The following CACNA1A variants were observed in gnomAD, a reference collection of about 807,000 sequenced individuals.
CACNA1A encodes the protein calcium voltage-gated channel subunit alpha1 A, also known as voltage-dependent P/Q-type calcium channel subunit alpha-1A.
In CACNA1A, 57 loss-of-function variants were observed where a neutral mutation model predicts 262.4. The ratio of observed to expected loss-of-function variants is 0.22; its 90% CI spans 0.18 to 0.27. The LOEUF (loss-of-function observed/expected upper bound fraction) is 0.27, where lower values mean the gene tolerates loss of function less well. CACNA1A is among the 10% of genes least tolerant of loss of function. CACNA1A has a pLI of 1.00. For synonymous variants in CACNA1A, 1,431 were observed against 1,419.3 expected, an observed-to-expected ratio of 1.01 and a Z score of -0.18; for missense variants, 2,526 against 3,562.8, an observed-to-expected ratio of 0.71 and a Z score of 7.41.
intron 1 of CACNA1A, among the ~76,000 whole-genome samples, chr19:13,474,412 G>GA (rs1978315324): frequency 6.6e-6 from 1 of 152,196 alleles, no homozygotes; most frequent in Admixed American, 6.5e-5. Context: ...GACAACAACA[G>GA]AAAAACATTG....
chr19:13,425,426 G>C (rs77819519), intron 3 of CACNA1A, among the ~76,000 whole-genome samples: 9,070 of 152,182 alleles, frequency 0.06, 516 homozygotes, highest in East Asian at 0.26. Context: ...TCTCAAAGGA[G>C]ACACACCACT....
intron 3 of CACNA1A, among the ~76,000 whole-genome samples, chr19:13,378,275 C>A (rs556492460): frequency 6.6e-6 from 1 of 152,276 alleles, no homozygotes; most frequent in East Asian, 1.9e-4. Flanking sequence ...GAGATGGATT[C>A]TACTCCTGGT....
intron 27 of CACNA1A, 25 bp from the exon 28 acceptor site, chr19:13,257,576 G>A (rs747548899): frequency 2.7e-6 from 4 of 1,500,018 alleles, no homozygotes; most frequent in East Asian, 4.8e-5. Context: ...GCAGGGAGAG[G>A]GAAGGGGCAG....
intron 3 of CACNA1A, among the ~76,000 whole-genome samples, chr19:13,391,095 C>G (rs780712985): frequency 3.3e-5 from 5 of 152,132 alleles, no homozygotes; most frequent in Non-Finnish European, 7.3e-5. Context: ...CCATGTTGAC[C>G]AAGATGGTCT....
intron 1 of CACNA1A, among the ~76,000 whole-genome samples, chr19:13,458,393 T>C (rs2061054596): frequency 6.6e-6 from 1 of 152,022 alleles, no homozygotes; most frequent in Non-Finnish European, 1.5e-5. Flanking sequence ...CTGGGCGACC[T>C]TTCTTCCTCA....
At chr19:13,258,050 A>T (rs970742346) in intron 27 of CACNA1A, 3 of 153,218 alleles carry the variant, frequency 2.0e-5, no homozygotes, top group African/African-American at 7.2e-5. Flanking sequence ...AATGTCAGTC[A>T]TTTCTACTGC....
At chr19:13,418,606 G>C (rs1402487590) in intron 3 of CACNA1A, among the ~76,000 whole-genome samples, 2 of 152,126 alleles carry the variant, frequency 1.3e-5, no homozygotes, top group Admixed American at 1.3e-4. Flanking sequence ...AGAACGCCCT[G>C]TCACCACTGA....
intron 6 of CACNA1A, among the ~76,000 whole-genome samples, chr19:13,342,984 G>T (rs1033041269): frequency 2.0e-4 from 30 of 152,174 alleles, no homozygotes; most frequent in African/African-American, 7.0e-4. Flanking sequence ...CGAACTCCTG[G>T]GCTCAAGTGA....
At chr19:13,235,134 C>T in intron 33 of CACNA1A, 75 bp downstream of exon 33, 6 of 1,562,388 alleles carry the variant, frequency 3.8e-6, no homozygotes, top group Non-Finnish European at 5.3e-6. Flanking sequence ...GAACCAGGCT[C>T]CTCTGACCCA....
intron 3 of CACNA1A, among the ~76,000 whole-genome samples, chr19:13,448,727 A>T (rs1236306862): frequency 6.6e-6 from 1 of 152,194 alleles, no homozygotes; most frequent in African/African-American, 2.4e-5. Flanking sequence ...CTTGGGAGAA[A>T]GCAGGGACAC....
intron 3 of CACNA1A, among the ~76,000 whole-genome samples, chr19:13,383,851 T>G (rs1335794316): frequency 6.6e-6 from 1 of 152,208 alleles, no homozygotes; most frequent in East Asian, 1.9e-4. Flanking sequence ...GATCTCACTC[T>G]GTCACCCAGG....
At chr19:13,406,958 C>T (rs922947203) in intron 3 of CACNA1A, among the ~76,000 whole-genome samples, 1 of 151,966 alleles carries the variant, frequency 6.6e-6, no homozygotes. Context: ...CACACACACA[C>T]ATGCACACAT....
intron 3 of CACNA1A, among the ~76,000 whole-genome samples, chr19:13,432,448 T>A (rs567172019): frequency 4.7e-5 from 7 of 150,252 alleles, no homozygotes; most frequent in South Asian, 4.2e-4. Flanking sequence ...AATAAATAAA[T>A]AAAAATTAAA....
chr19:13,314,779 C>T (rs1001119973), intron 11 of CACNA1A, among the ~76,000 whole-genome samples: 10 of 152,082 alleles, frequency 6.6e-5, no homozygotes, highest in South Asian at 6.2e-4. Context: ...TTGAACTGAC[C>T]GTCAAAGTCC....
intron 3 of CACNA1A, among the ~76,000 whole-genome samples, chr19:13,438,132 G>A (rs1258645567): frequency 2.0e-5 from 3 of 152,108 alleles, no homozygotes; most frequent in African/African-American, 7.2e-5. Context: ...TTTTCTCTGT[G>A]CAAGTGACAC....
chr19:13,286,486 A>G lies in CACNA1A; in HGVS notation c.3553+17T>C, dbSNP rs2057401878. On this transcript the variant is annotated intron_variant, in intron 20 of 46. Coordinates refer to ENST00000360228, the MANE Select transcript of CACNA1A (RefSeq NM_001127222.2). Reference sequence around the variant, plus strand: ...GCCAGGTCCCCTGCCCAGTGATGTGAGAGCAGAGGGTCTCACCTTGTACGA... The same window carrying G: ...GCCAGGTCCCCTGCCCAGTGATGTGGGAGCAGAGGGTCTCACCTTGTACGA... 4.2e-6 allele frequency: 5 copies of G among 1,180,388 alleles called. No individual in the cohort carries two copies. Among genetic ancestry groups the G allele is most frequent in the Non-Finnish European group, 5.9e-6 (5 of 845,568 alleles). 73.1% of individuals were successfully genotyped at this position (1,180,388 alleles called of 1,614,324 possible).
intron 3 of CACNA1A, among the ~76,000 whole-genome samples, chr19:13,440,351 T>G (rs2060695327): frequency 6.6e-6 from 1 of 152,032 alleles, no homozygotes; most frequent in Non-Finnish European, 1.5e-5. Context: ...GAGGGTGGGA[T>G]CCCATAGACC....
chr19:13,350,921 G>A (rs1368487780), intron 6 of CACNA1A, among the ~76,000 whole-genome samples: 1 of 140,596 alleles, frequency 7.1e-6, no homozygotes, highest in Non-Finnish European at 1.5e-5. Flanking sequence ...AGGATCGCTT[G>A]AGACCAGGAG....
At chr19:13,456,786 T>C (rs56723538) in intron 1 of CACNA1A, among the ~76,000 whole-genome samples, 1 of 152,188 alleles carries the variant, frequency 6.6e-6, no homozygotes, top group African/African-American at 2.4e-5. Context: ...GACAGTCAAA[T>C]GGCCAATATG....
Sources: allele counts gnomAD v4.1 joint callset (sites outside exome capture counted in the v4.1 genomes callset), GRCh38; gene constraint gnomAD v4.1.1; transcripts MANE v1.5; gene names NCBI Gene and HGNC (gene_info 2026-07-23, HGNC 2026-07-21).